The following LRRTM4 variants were observed in gnomAD, a reference collection of about 807,000 sequenced individuals.
LRRTM4 encodes leucine rich repeat transmembrane neuronal 4.
A neutral mutation model predicts 47.6 loss-of-function variants in LRRTM4; 25 were observed. That is an observed-to-expected ratio of 0.53 (90% CI 0.38 to 0.73). The LOEUF (loss-of-function observed/expected upper bound fraction) is 0.73. LRRTM4 is among the 30% of genes least tolerant of loss of function. The pLI is 0.00. For missense variants in LRRTM4, 638 were observed against 713.4 expected (o/e 0.89, Z 1.20); for synonymous variants, 311 against 269.5 (o/e 1.15, Z -1.51).
At chr2:76,771,346 T>C (rs543619059) in intron 3 of LRRTM4, among the ~76,000 whole-genome samples, 33 of 152,140 alleles carry the variant, frequency 2.2e-4, no homozygotes, top group African/African-American at 6.3e-4. Flanking sequence ...AGGAATGAGA[T>C]AGAAGAAAGA....
At chr2:77,322,620 G>T (rs548520702) in intron 3 of LRRTM4, among the ~76,000 whole-genome samples, 46 of 151,870 alleles carry the variant, frequency 3.0e-4, no homozygotes, top group Non-Finnish European at 8.8e-5. Context: ...AACTGCTTCT[G>T]CCAGGAACAC....
chr2:76,893,294 T>G (rs980986567), intron 3 of LRRTM4, among the ~76,000 whole-genome samples: 1 of 151,582 alleles, frequency 6.6e-6, no homozygotes, highest in African/African-American at 2.4e-5. Flanking sequence ...AAAAGTTATA[T>G]CCAAATAAAA....
intron 3 of LRRTM4, among the ~76,000 whole-genome samples, chr2:77,203,726 T>A (rs570227303): frequency 1.2e-4 from 19 of 152,322 alleles, no homozygotes; most frequent in Non-Finnish European, 2.2e-4. Flanking sequence ...AGGCAATGGA[T>A]ATTCTTCAGA....
At chr2:76,998,582 G>C (rs866420000) in intron 3 of LRRTM4, among the ~76,000 whole-genome samples, 2 of 151,904 alleles carry the variant, frequency 1.3e-5, no homozygotes, top group Admixed American at 1.3e-4. Flanking sequence ...CCAGGAATCT[G>C]CACATTTAAC....
chr2:77,153,214 G>A (rs777664995), intron 3 of LRRTM4, among the ~76,000 whole-genome samples: 1 of 152,148 alleles, frequency 6.6e-6, no homozygotes, highest in South Asian at 2.1e-4. Flanking sequence ...GAGGTACTGA[G>A]GTGTGTCAGA....
intron 3 of LRRTM4, among the ~76,000 whole-genome samples, chr2:76,957,895 T>C (rs960107619): frequency 6.6e-6 from 1 of 151,662 alleles, no homozygotes; most frequent in Non-Finnish European, 1.5e-5. Context: ...TAAGATTATA[T>C]GTATACATAT....
At chr2:76,888,487 C>T (rs1231150479) in intron 3 of LRRTM4, among the ~76,000 whole-genome samples, 1 of 151,372 alleles carries the variant, frequency 6.6e-6, no homozygotes, top group African/African-American at 2.4e-5. Context: ...CATAAGTTTT[C>T]CTTTTTAAAA....
At chr2:77,159,140 G>C (rs1672639153) in intron 3 of LRRTM4, among the ~76,000 whole-genome samples, 1 of 152,042 alleles carries the variant, frequency 6.6e-6, no homozygotes, top group Admixed American at 6.6e-5. Flanking sequence ...ATCTTATTTG[G>C]AAGAACAGCT....
At chr2:76,755,531 T>C (rs1036190177) in intron 3 of LRRTM4, among the ~76,000 whole-genome samples, 2 of 152,132 alleles carry the variant, frequency 1.3e-5, no homozygotes, top group Non-Finnish European at 2.9e-5. Context: ...GAGGACAATA[T>C]ACTAAACAAA....
chr2:77,334,434 C>T (rs1235466071), intron 3 of LRRTM4, among the ~76,000 whole-genome samples: 2 of 152,148 alleles, frequency 1.3e-5, no homozygotes, highest in African/African-American at 2.4e-5. Flanking sequence ...ATTATGGGGG[C>T]ATGGTCTTTC....
intron 3 of LRRTM4, among the ~76,000 whole-genome samples, chr2:76,937,557 T>A (rs1007145372): frequency 1.3e-5 from 2 of 152,228 alleles, no homozygotes; most frequent in Admixed American, 6.5e-5. Flanking sequence ...TAATTATCTT[T>A]ACAAAATCTT....
Position 76,869,068 on chromosome 2 carries a change from T to C in LRRTM4, c.1552-120152A>G, listed in dbSNP as rs376197410. Among the ~76,000 whole-genome samples the C allele has an allele frequency of 4.6e-5, 7 of 152,242 alleles. No individual in the cohort carries two copies. In the East Asian group the frequency reaches 1.2e-3, roughly 25 times the overall value. ...GCTCACGCATGTAATCCCAGCACTT[T>C]GGGAGGCCGAGGTGAGCAGATCACG... On this transcript the variant is annotated intron_variant, in intron 3 of 3. Coordinates refer to ENST00000409884, the MANE Select transcript of LRRTM4 (RefSeq NM_001134745.3).
At chr2:77,373,390 G>A (rs1024349044) in intron 3 of LRRTM4, among the ~76,000 whole-genome samples, 27 of 151,450 alleles carry the variant, frequency 1.8e-4, no homozygotes, top group Non-Finnish European at 3.7e-4. Flanking sequence ...GTCTTAAATT[G>A]CCGTTTGCCT....
At chr2:76,978,764 T>A (rs1027334591) in intron 3 of LRRTM4, among the ~76,000 whole-genome samples, 1 of 152,050 alleles carries the variant, frequency 6.6e-6, no homozygotes, top group Non-Finnish European at 1.5e-5. Context: ...TTCTTTGTTT[T>A]AGCAAAAGGT....
In LRRTM4 at chr2:77,313,291, A is replaced by ACCTGTTGCTGGGATGTGCCCCCCTAC. The variant is rs1558683433; in HGVS notation, c.1551+205026_1551+205027insGTAGGGGGGCACATCCCAGCAACAGG. Among the ~76,000 whole-genome samples the ACCTGTTGCTGGGATGTGCCCCCCTAC allele has an allele frequency of 3.3e-5, 3 of 91,978 alleles. No individual in the cohort carries two copies. The South Asian group carries it at 1.0e-3, about 31-fold the overall frequency. The allele number at this position is 91,978 out of a possible 152,430, so 60.3% of individuals were successfully genotyped here. On this transcript the variant is annotated intron_variant, in intron 3 of 3. Coordinates refer to ENST00000409884, the MANE Select transcript of LRRTM4 (RefSeq NM_001134745.3). ...CCTGTTGCTGGGATGTGCCCCCCTA[A>ACCTGTTGCTGGGATGTGCCCCCCTAC]CTTTTCCTGGGACCTGGTGCTGGGA... is the stretch of plus-strand genomic sequence containing the variant.
At chr2:76,748,966 A>G (rs2104045475) in intron 3 of LRRTM4, 50 bp from the exon 4 acceptor site, 1 of 1,467,490 alleles carries the variant, frequency 6.8e-7, no homozygotes, top group Non-Finnish European at 9.5e-7. Context: ...TGCTTTGGAA[A>G]GATAGGACAG....
At chr2:76,988,474 T>G (rs1281928561) in intron 3 of LRRTM4, among the ~76,000 whole-genome samples, 2 of 151,810 alleles carry the variant, frequency 1.3e-5, no homozygotes, top group Admixed American at 6.6e-5. Flanking sequence ...TGTTCCAGTC[T>G]ACACAAGAGT....
chr2:77,454,407 T>C (rs1676382264), intron 3 of LRRTM4, among the ~76,000 whole-genome samples: 1 of 152,090 alleles, frequency 6.6e-6, no homozygotes, highest in Admixed American at 6.5e-5. Flanking sequence ...GTTAGTGACT[T>C]TTCTTTACCG....
In LRRTM4 at chr2:77,185,916, G is replaced by A. The variant is rs76225286; in HGVS notation, c.1551+332402C>T. ...TCTGTAAAATAATAACTCGCCTTAC[G>A]TGTTTAACATGAGGATTATGTGAGA... is the stretch of plus-strand genomic sequence containing the variant. On this transcript the variant is annotated intron_variant, in intron 3 of 3. Transcript: ENST00000409884. Among the ~76,000 whole-genome samples the A allele has an allele frequency of 2.7e-4, 41 of 152,172 alleles. No individual in the cohort carries two copies. The Middle Eastern group carries it at 0.014, about 50-fold the overall frequency.
Sources: allele counts gnomAD v4.1 joint callset (sites outside exome capture counted in the v4.1 genomes callset), GRCh38; gene constraint gnomAD v4.1.1; transcripts MANE v1.5; gene names NCBI Gene and HGNC (gene_info 2026-07-23, HGNC 2026-07-21).